CNTNAP2: variants seen among roughly 807,000 people sequenced by gnomAD.
CNTNAP2 encodes contactin associated protein 2, also known as contactin-associated protein-like 2.
Under a neutral mutation model 155.2 loss-of-function variants are expected in CNTNAP2, and 98 were observed. The observed-to-expected ratio is 0.63, with a 90% CI of 0.54 to 0.75. The LOEUF is 0.75. CNTNAP2 is among the 30% of genes least tolerant of loss of function. CNTNAP2 has a pLI of 0.00. For missense variants in CNTNAP2, 1,727 were observed against 1,688.1 expected (o/e 1.02, Z -0.40); for synonymous variants, 651 against 631.2 (o/e 1.03, Z -0.47).
chr7:148,355,020 G>C lies in CNTNAP2; in HGVS notation c.3476-28629G>C, dbSNP rs188173160. Reference sequence around the variant, plus strand: ...GAAAGCTTGGCTTTACATGAGATGTGTGGAAAGCATCCTGCATCCAGGTAC... The same window carrying C: ...GAAAGCTTGGCTTTACATGAGATGTCTGGAAAGCATCCTGCATCCAGGTAC... On this transcript the variant is annotated intron_variant, in intron 21 of 23. Transcript: ENST00000361727. 2.0e-3 allele frequency among the ~76,000 whole-genome samples: 309 copies of C among 152,260 alleles called. 1 individual carries two copies. Among genetic ancestry groups the C allele is most frequent in the Admixed American group, 3.5e-3 (54 of 15,298 alleles).
intron 15 of CNTNAP2, among the ~76,000 whole-genome samples, chr7:148,025,640 C>A (rs1802361387): frequency 6.6e-6 from 1 of 152,134 alleles, no homozygotes; most frequent in Non-Finnish European, 1.5e-5. Context: ...ATCTATGGTC[C>A]CTCTTCTCAA....
intron 3 of CNTNAP2, among the ~76,000 whole-genome samples, chr7:146,912,336 C>A (rs2129217425): frequency 6.6e-6 from 1 of 151,092 alleles, no homozygotes; most frequent in Non-Finnish European, 1.5e-5. Context: ...AGCAATTTCC[C>A]TTATTTTTCT....
intron 1 of CNTNAP2, among the ~76,000 whole-genome samples, chr7:146,354,411 A>ATTTT (rs10641636): frequency 0.01 from 1,364 of 135,308 alleles, 35 homozygotes; most frequent in African/African-American, 0.018. Flanking sequence ...TCTTGTTAGT[A>ATTTT]TTTTTTTTTT....
intron 3 of CNTNAP2, among the ~76,000 whole-genome samples, chr7:146,978,283 G>A (rs1162375985): frequency 6.6e-6 from 1 of 152,128 alleles, no homozygotes; most frequent in Admixed American, 6.6e-5. Context: ...TGATAAGGTG[G>A]TTCAGTGTTT....
intron 13 of CNTNAP2, among the ~76,000 whole-genome samples, chr7:147,722,148 C>T (rs1294374824): frequency 6.6e-6 from 1 of 152,198 alleles, no homozygotes; most frequent in Non-Finnish European, 1.5e-5. Context: ...GCCCTTTCCT[C>T]ATGGACAGTG....
chr7:148,382,972 G>GAGTT, intron 21 of CNTNAP2, among the ~76,000 whole-genome samples: 1 of 152,330 alleles, frequency 6.6e-6, no homozygotes, highest in East Asian at 1.9e-4. Flanking sequence ...CCTCTGAGCT[G>GAGTT]AGTTAGTTTG....
At chr7:148,054,558 T>C (rs1024258404) in intron 15 of CNTNAP2, among the ~76,000 whole-genome samples, 1 of 148,718 alleles carries the variant, frequency 6.7e-6, no homozygotes, top group Non-Finnish European at 1.5e-5. Flanking sequence ...ATAGAAGACA[T>C]GCACATAAGC....
rs75421160 is a variant in CNTNAP2 at position 146,697,911 on chromosome 7, C to T, written c.98-76360C>T. 4.4e-3 allele frequency among the ~76,000 whole-genome samples: 668 copies of T among 152,056 alleles called. 16 individuals carry two copies. The East Asian group carries it at 0.062, about 14-fold the overall frequency. On this transcript the variant is annotated intron_variant, in intron 1 of 23. Coordinates refer to ENST00000361727, the MANE Select transcript of CNTNAP2 (RefSeq NM_014141.6). ...TTCCTGCCTTCTTCAGTTTGAAGTG[C>T]GCATTTGATATTTTCTACTTTCTCT... is the stretch of plus-strand genomic sequence containing the variant.
At chr7:146,635,858 C>T (rs1422376580) in intron 1 of CNTNAP2, among the ~76,000 whole-genome samples, 2 of 151,566 alleles carry the variant, frequency 1.3e-5, no homozygotes, top group Non-Finnish European at 2.9e-5. Flanking sequence ...GAAGGGGTTT[C>T]AAATTACTCT....
intron 15 of CNTNAP2, among the ~76,000 whole-genome samples, chr7:148,103,039 C>T (rs1321121552): frequency 6.6e-6 from 1 of 152,072 alleles, no homozygotes; most frequent in East Asian, 1.9e-4. Context: ...AGGGGGCTTC[C>T]AGGTCATAGG....
chr7:146,355,703 TTTGTG>T (rs1794987424), intron 1 of CNTNAP2, among the ~76,000 whole-genome samples: 1 of 152,174 alleles, frequency 6.6e-6, no homozygotes, highest in African/African-American at 2.4e-5. Flanking sequence ...CCACAATACT[TTTGTG>T]AAATATCATT....
intron 1 of CNTNAP2, among the ~76,000 whole-genome samples, chr7:146,380,116 A>G (rs1343001589): frequency 6.6e-6 from 1 of 152,212 alleles, no homozygotes; most frequent in East Asian, 1.9e-4. Context: ...AAATGAAAAT[A>G]AAAAATATTA....
intron 16 of CNTNAP2, among the ~76,000 whole-genome samples, chr7:148,142,018 G>A (rs1225162577): frequency 6.6e-6 from 1 of 151,852 alleles, no homozygotes; most frequent in Non-Finnish European, 1.5e-5. Context: ...GAAATGAAAT[G>A]GTAACTTTTG....
chr7:146,200,691 C>T (rs1315711561), intron 1 of CNTNAP2, among the ~76,000 whole-genome samples: 1 of 152,076 alleles, frequency 6.6e-6, no homozygotes, highest in Non-Finnish European at 1.5e-5. Flanking sequence ...TGCCATATAG[C>T]CTAGGTGTCT....
At chr7:147,095,009 C>T (rs1225216508) in intron 4 of CNTNAP2, among the ~76,000 whole-genome samples, 7 of 151,482 alleles carry the variant, frequency 4.6e-5, no homozygotes, top group Admixed American at 4.6e-4. Flanking sequence ...CTTTCTGGGG[C>T]AACTTTATTT....
intron 20 of CNTNAP2, among the ~76,000 whole-genome samples, chr7:148,237,204 T>A (rs114717727): frequency 6.6e-6 from 1 of 152,234 alleles, no homozygotes; most frequent in Non-Finnish European, 1.5e-5. Flanking sequence ...TATTCGCTGC[T>A]ATAACAAAAA....
chr7:147,547,969 T>C (rs995561766), intron 11 of CNTNAP2, among the ~76,000 whole-genome samples: 1 of 152,208 alleles, frequency 6.6e-6, no homozygotes, highest in African/African-American at 2.4e-5. Context: ...TAGTATTCCA[T>C]GGTGTATAGT....
intron 13 of CNTNAP2, among the ~76,000 whole-genome samples, chr7:147,825,291 A>G (rs973593121): frequency 1.3e-5 from 2 of 152,220 alleles, no homozygotes; most frequent in Non-Finnish European, 2.9e-5. Context: ...GAGCGTTCTT[A>G]GTAGCACCAG....
intron 14 of CNTNAP2, among the ~76,000 whole-genome samples, chr7:147,920,249 A>C (rs1378127107): frequency 6.7e-6 from 1 of 150,054 alleles, no homozygotes; most frequent in Non-Finnish European, 1.5e-5. Context: ...CCAGCCACTC[A>C]GGAGACTGAG....
Sources: allele counts gnomAD v4.1 joint callset (sites outside exome capture counted in the v4.1 genomes callset), GRCh38; gene constraint gnomAD v4.1.1; transcripts MANE v1.5; gene names NCBI Gene and HGNC (gene_info 2026-07-23, HGNC 2026-07-21).